The following PSD3 variants were observed in gnomAD, a reference collection of about 807,000 sequenced individuals.
PSD3 encodes the protein PH and SEC7 domain-containing protein 3.
A neutral mutation model predicts 105.5 loss-of-function variants in PSD3; 49 were observed. The ratio of observed to expected loss-of-function variants is 0.46; its 90% CI spans 0.37 to 0.59. The LOEUF is 0.59. Among genes scored for constraint, PSD3 ranks in the 20% least tolerant of loss-of-function variants. The pLI is 0.00. For missense variants in PSD3, 1,561 were observed against 1,263.8 expected (o/e 1.24, Z -3.57); for synonymous variants, 557 against 457.8 (o/e 1.22, Z -2.77).
intron 11 of PSD3, among the ~76,000 whole-genome samples, chr8:18,627,192 A>C (rs908257778): frequency 6.6e-6 from 1 of 152,130 alleles, no homozygotes; most frequent in South Asian, 2.1e-4. Flanking sequence ...TCTCGGTTCC[A>C]ACAGTGGAAG....
chr8:19,015,294 C>T (rs1387112009), upstream of PSD3, among the ~76,000 whole-genome samples: 1 of 152,182 alleles, frequency 6.6e-6, no homozygotes, highest in East Asian at 1.9e-4. Flanking sequence ...ATTGTGAGGC[C>T]TCCCAACCAT....
chr8:18,783,606 T>C (rs1195621622), intron 8 of PSD3, among the ~76,000 whole-genome samples: 1 of 152,218 alleles, frequency 6.6e-6, no homozygotes, highest in Non-Finnish European at 1.5e-5. Flanking sequence ...CTGTATACCA[T>C]AAGTTTTTTA....
chr8:18,820,415 G>C (rs887607293), intron 4 of PSD3, among the ~76,000 whole-genome samples: 3 of 152,020 alleles, frequency 2.0e-5, no homozygotes, highest in African/African-American at 7.2e-5. Context: ...ACTGGTTCTA[G>C]AACACTCCCC....
intron 1 of PSD3, among the ~76,000 whole-genome samples, chr8:18,947,568 G>A (rs79588876): frequency 0.13 from 19,485 of 152,184 alleles, 1,389 homozygotes; most frequent in Non-Finnish European, 0.17. Flanking sequence ...GGGGTGGCGG[G>A]GGGCCCAGAG....
chr8:18,759,337 C>A (rs775172730), intron 9 of PSD3, among the ~76,000 whole-genome samples: 1 of 152,154 alleles, frequency 6.6e-6, no homozygotes. Context: ...TCCAGTGACA[C>A]TGTCTTCTAA....
At chr8:18,700,591 C>T (rs1801520263) in intron 9 of PSD3, among the ~76,000 whole-genome samples, 1 of 152,232 alleles carries the variant, frequency 6.6e-6, no homozygotes, top group Non-Finnish European at 1.5e-5. Context: ...GGTCTCTTAG[C>T]AGACATACTG....
At chr8:18,660,925 T>C (rs1809301111) in intron 9 of PSD3, among the ~76,000 whole-genome samples, 1 of 152,180 alleles carries the variant, frequency 6.6e-6, no homozygotes, top group Non-Finnish European at 1.5e-5. Flanking sequence ...ATTACAGAGG[T>C]AAACATATTC....
intron 4 of PSD3, among the ~76,000 whole-genome samples, chr8:18,835,746 G>T (rs957079444): frequency 1.3e-5 from 2 of 152,196 alleles, no homozygotes; most frequent in Non-Finnish European, 2.9e-5. Context: ...AGAAAGAAAA[G>T]CAAAGGCAAA....
intron 4 of PSD3, among the ~76,000 whole-genome samples, chr8:18,864,077 T>C (rs1267937725): frequency 6.6e-6 from 1 of 152,246 alleles, no homozygotes; most frequent in Admixed American, 6.5e-5. Flanking sequence ...AAGACAGATC[T>C]TGAAACAGAA....
chr8:18,835,691 A>T (rs1308850336), intron 4 of PSD3, among the ~76,000 whole-genome samples: 1 of 152,240 alleles, frequency 6.6e-6, no homozygotes, highest in African/African-American at 2.4e-5. Context: ...AATCATTAAA[A>T]ATGTGAAGTG....
chr8:18,547,355 G>A (rs758030604), intron 15 of PSD3, among the ~76,000 whole-genome samples: 13 of 152,198 alleles, frequency 8.5e-5, no homozygotes, highest in African/African-American at 1.9e-4. Context: ...ACTAGGCTCA[G>A]GGCTTGCTGC....
intron 12 of PSD3, among the ~76,000 whole-genome samples, chr8:18,587,491 T>C (rs759248610): frequency 4.6e-5 from 7 of 152,156 alleles, no homozygotes; most frequent in Non-Finnish European, 7.3e-5. Context: ...AAAAAGTAGT[T>C]TGCCACTCTT....
At chr8:18,643,848 T>C (rs2130808012) in intron 10 of PSD3, among the ~76,000 whole-genome samples, 1 of 152,342 alleles carries the variant, frequency 6.6e-6, no homozygotes, top group Non-Finnish European at 1.5e-5. Flanking sequence ...AGCTCTTACA[T>C]TCTGTGTGCC....
At chr8:18,580,577 A>C (rs1802750436) in intron 12 of PSD3, among the ~76,000 whole-genome samples, 1 of 152,112 alleles carries the variant, frequency 6.6e-6, no homozygotes, top group African/African-American at 2.4e-5. Flanking sequence ...ACAAGCCCCC[A>C]AAACAAAACA....
intron 11 of PSD3, among the ~76,000 whole-genome samples, chr8:18,607,081 C>T (rs776044010): frequency 3.3e-5 from 5 of 152,158 alleles, no homozygotes; most frequent in South Asian, 2.1e-4. Flanking sequence ...TTGCAGTGGT[C>T]GGTCTGCTAC....
intron 2 of PSD3, among the ~76,000 whole-genome samples, chr8:18,893,534 T>A (rs1312790575): frequency 6.6e-6 from 1 of 152,196 alleles, no homozygotes; most frequent in African/African-American, 2.4e-5. Flanking sequence ...CTTCAAACAG[T>A]CTAGTTTCGT....
intron 2 of PSD3, among the ~76,000 whole-genome samples, chr8:18,916,117 T>TA (rs1169722902): frequency 1.3e-5 from 2 of 150,922 alleles, no homozygotes; most frequent in Non-Finnish European, 3.0e-5. Flanking sequence ...AAAATAAAAG[T>TA]AAAAATAGAA....
intron 12 of PSD3, among the ~76,000 whole-genome samples, chr8:18,590,853 T>C (rs1484221618): frequency 2.6e-5 from 4 of 152,158 alleles, no homozygotes; most frequent in Admixed American, 6.5e-5. Flanking sequence ...AAATACCAGA[T>C]TGATGAAAAC....
intron 2 of PSD3, among the ~76,000 whole-genome samples, chr8:18,880,555 T>C (rs2129458596): frequency 6.6e-6 from 1 of 152,252 alleles, no homozygotes; most frequent in Admixed American, 6.5e-5. Flanking sequence ...GGAACAAAGA[T>C]GCAAGGGGTG....
Sources: allele counts gnomAD v4.1 joint callset (sites outside exome capture counted in the v4.1 genomes callset), GRCh38; gene constraint gnomAD v4.1.1; transcripts MANE v1.5; gene names NCBI Gene and HGNC (gene_info 2026-07-23, HGNC 2026-07-21).